HMCN1: variants seen among roughly 807,000 people sequenced by gnomAD.
The protein encoded by HMCN1 is hemicentin 1, also known as hemicentin-1.
In HMCN1, 321 loss-of-function variants were observed where a neutral mutation model predicts 625.9. The ratio of observed to expected loss-of-function variants is 0.51; its 90% CI spans 0.47 to 0.56. HMCN1 has a LOEUF of 0.56. Ranked by LOEUF, HMCN1 falls within the 20% of genes least tolerant of loss-of-function variation. The probability of loss-of-function intolerance (pLI) is 0.00; values close to 1 mark genes in which losing one functional copy is unlikely to be tolerated. For missense variants in HMCN1, 6,588 were observed against 6,887.3 expected, an observed-to-expected ratio of 0.96 and a Z score of 1.54; for synonymous variants, 2,425 against 2,417.6, an observed-to-expected ratio of 1.00 and a Z score of -0.09.
intron 65 of HMCN1, 55 bp from the exon 66 acceptor site, chr1:186,093,431 C>T (rs1173640672): frequency 1.3e-6 from 2 of 1,588,642 alleles, no homozygotes; most frequent in Non-Finnish European, 1.7e-6. Context: ...ATTATTTGAA[C>T]TAGTATTACA....
intron 15 of HMCN1, among the ~76,000 whole-genome samples, chr1:185,976,493 T>A (rs1651225322): frequency 6.6e-6 from 1 of 152,136 alleles, no homozygotes; most frequent in African/African-American, 2.4e-5. Context: ...AAAAGTGATC[T>A]CTGTAGGAAT....
In HMCN1 at chr1:186,055,456, G is replaced by T; in HGVS notation, c.6926G>T (p.Ser2309Ile). ...GAAATTATTGTGACCCGAGGGAAGA[G>T]TATCTCCTTGGAGTGTGAGGTGCAG... The part of the protein sequence containing the change: ...PTEIIVTRGK[S>I]ISLECEVQGI... The change falls in exon 45 of 107, where the codon AGT (serine) becomes ATT (isoleucine). Residue 2309 changes from serine (S) to isoleucine (I), a missense_variant. By Grantham distance (142) the Ser-to-Ile change is moderately radical (BLOSUM62 -2). Coordinates refer to ENST00000271588, the MANE Select transcript of HMCN1 (RefSeq NM_031935.3). 6.2e-7 allele frequency: 1 copy of T among 1,612,694 alleles called. No individual in the cohort carries two copies. Among genetic ancestry groups the T allele is most frequent in the Non-Finnish European group, 8.5e-7 (1 of 1,179,182 alleles).
chr1:186,049,781 C>A (rs968184368), intron 42 of HMCN1, among the ~76,000 whole-genome samples: 3 of 151,744 alleles, frequency 2.0e-5, no homozygotes, highest in African/African-American at 4.8e-5. Context: ...CAATGGAGAA[C>A]AAATACTTTT....
intron 11 of HMCN1, among the ~76,000 whole-genome samples, chr1:185,956,566 T>C (rs563874628): frequency 6.6e-6 from 1 of 152,364 alleles, no homozygotes; most frequent in East Asian, 1.9e-4. Flanking sequence ...GGAACCTCTA[T>C]GTGTTCAGCT....
Position 186,038,862 on chromosome 1 carries a change from C to G in HMCN1, c.5885C>G (p.Ser1962Ter). Residue 1962 changes from serine to a stop codon, truncating the protein, a stop_gained, in exon 38 of 107, where the codon TCA (serine) becomes TGA (stop). Coordinates refer to ENST00000271588, the MANE Select transcript of HMCN1 (RefSeq NM_031935.3). LOFTEE classifies it high-confidence loss of function. The stretch of plus-strand genomic sequence containing the variant: ...TGGTACAAAGATAATCGTCTACTCT[C>G]AGGTTCCACCAGCATGACTTTCTTG... ...ITWYKDNRLL[S>*]GSTSMTFLNR... 1 of 1,603,710 alleles carries G rather than the reference C, an allele frequency of 6.2e-7. No individual in the cohort carries two copies. Among genetic ancestry groups the G allele is most frequent in the Non-Finnish European group, 8.5e-7 (1 of 1,170,686 alleles).
At chr1:185,764,558 T>C (rs1201750125) in intron 1 of HMCN1, among the ~76,000 whole-genome samples, 3 of 152,162 alleles carry the variant, frequency 2.0e-5, no homozygotes, top group Non-Finnish European at 4.4e-5. Flanking sequence ...ATCCCTTTTA[T>C]CATGCTTTCT....
At chr1:185,787,306 T>C (rs1346342615) in intron 1 of HMCN1, among the ~76,000 whole-genome samples, 3 of 152,180 alleles carry the variant, frequency 2.0e-5, no homozygotes, top group Non-Finnish European at 4.4e-5. Context: ...TGGCAGAGAA[T>C]GCCCTTCATA....
intron 18 of HMCN1, among the ~76,000 whole-genome samples, chr1:185,983,873 T>C (rs1381807482): frequency 6.6e-6 from 1 of 152,224 alleles, no homozygotes; most frequent in East Asian, 1.9e-4. Flanking sequence ...TTTTGAGTGA[T>C]GACAAAATTT....
chr1:185,826,745 G>A (rs1438413462), intron 1 of HMCN1, among the ~76,000 whole-genome samples: 6 of 152,096 alleles, frequency 3.9e-5, no homozygotes, highest in African/African-American at 1.4e-4. Context: ...TTGAGGAAGT[G>A]TAAAAAGGAA....
At chr1:185,860,149 T>C (rs1639527880) in intron 2 of HMCN1, among the ~76,000 whole-genome samples, 1 of 152,214 alleles carries the variant, frequency 6.6e-6, no homozygotes, top group South Asian at 2.1e-4. Flanking sequence ...CATAGCTTTA[T>C]TAAGATATGA....
intron 4 of HMCN1, among the ~76,000 whole-genome samples, chr1:185,892,476 C>G (rs1487666418): frequency 1.3e-5 from 2 of 151,968 alleles, no homozygotes; most frequent in Non-Finnish European, 2.9e-5. Context: ...TGGTGATGTA[C>G]AGATGGGTTT....
At chr1:186,175,893 AAAG>A (rs1391898195) in intron 103 of HMCN1, among the ~76,000 whole-genome samples, 99 of 115,320 alleles carry the variant, frequency 8.6e-4, no homozygotes, top group East Asian at 5.1e-3. Context: ...AAAAAAAAAG[AAAG>A]AAAAGAAAAG....
At chr1:186,021,510 G>A (rs1322986465) in intron 35 of HMCN1, among the ~76,000 whole-genome samples, 1 of 151,984 alleles carries the variant, frequency 6.6e-6, no homozygotes, top group Admixed American at 6.6e-5. Context: ...TAAAGGGTAA[G>A]ATGAAAAAGA....
Position 186,166,316 on chromosome 1 carries a change from C to CT in HMCN1, c.15439+14dup, listed in dbSNP as rs759693498. 9.3e-5 allele frequency: 150 copies of CT among 1,613,892 alleles called. No homozygotes were observed. The highest frequency in any genetic ancestry group is 4.0e-5 in the African/African-American group (3 of 74,938). On this transcript the variant is annotated intron_variant, in intron 99 of 106. Coordinates refer to ENST00000271588, the MANE Select transcript of HMCN1 (RefSeq NM_031935.3). ...AGAACTTGTCAAGGTATTCACAAAT[C>CT]TAATACACACATTTAAGCAATGGGT...
chr1:186,097,669 C>A (rs1371369636), intron 68 of HMCN1, among the ~76,000 whole-genome samples: 2 of 151,834 alleles, frequency 1.3e-5, no homozygotes, highest in African/African-American at 4.8e-5. Context: ...ATGAAAATAC[C>A]ATTGGCATTC....
intron 1 of HMCN1, among the ~76,000 whole-genome samples, chr1:185,768,253 T>G (rs1308718180): frequency 6.6e-6 from 1 of 152,220 alleles, no homozygotes; most frequent in African/African-American, 2.4e-5. Context: ...GTTGGCTTCT[T>G]ACATTTAATG....
intron 4 of HMCN1, among the ~76,000 whole-genome samples, chr1:185,883,140 G>A (rs1451107478): frequency 1.3e-5 from 2 of 152,006 alleles, no homozygotes; most frequent in Non-Finnish European, 2.9e-5. Flanking sequence ...ATATGTGTTT[G>A]TGTGTCTTTC....
intron 1 of HMCN1, among the ~76,000 whole-genome samples, chr1:185,739,351 T>C (rs1653817042): frequency 1.3e-5 from 2 of 152,324 alleles, no homozygotes; most frequent in South Asian, 4.1e-4. Context: ...TATTAATTTT[T>C]ACTGTGCTTT....
intron 34 of HMCN1, 102 bp from the exon 35 acceptor site, chr1:186,019,439 T>G (rs1327277492): frequency 1.2e-6 from 1 of 852,244 alleles, no homozygotes; most frequent in Non-Finnish European, 2.0e-6. Context: ...GATTTGCTTT[T>G]TTTTTTTCTA....
Sources: gnomAD v4.1 joint callset for allele counts (sites outside exome capture counted in the v4.1 genomes callset) on GRCh38, gnomAD v4.1.1 for gene constraint, MANE v1.5 for transcripts, NCBI Gene and HGNC (gene_info 2026-07-23, HGNC 2026-07-21) for gene names.